Variants in NDUFA10 observed in about 807,000 individuals in gnomAD.
NDUFA10 encodes NADH:ubiquinone oxidoreductase subunit A10.
A neutral mutation model predicts 47.8 loss-of-function variants in NDUFA10; 40 were observed. That is an observed-to-expected ratio of 0.84 (90% CI 0.65 to 1.09). The LOEUF (loss-of-function observed/expected upper bound fraction) is 1.09, where lower values mean the gene tolerates loss of function less well. Ranked by LOEUF, NDUFA10 falls within the 50% of genes least tolerant of loss-of-function variation. The pLI is 0.00. For synonymous variants in NDUFA10, 183 were observed against 172.2 expected, an observed-to-expected ratio of 1.06 and a Z score of -0.49; for missense variants, 413 against 451.1, an observed-to-expected ratio of 0.92 and a Z score of 0.76.
At chr2:240,013,641 G>A (rs556326084) in intron 5 of NDUFA10, 3 of 152,300 alleles carry the variant, frequency 2.0e-5, no homozygotes, top group Admixed American at 6.5e-5. Context: ...TAGACATCTC[G>A]CTGTTTCTAC....
At chr2:240,015,751 G>A (rs1697321589) in intron 4 of NDUFA10, among the ~76,000 whole-genome samples, 1 of 152,268 alleles carries the variant, frequency 6.6e-6, no homozygotes, top group Non-Finnish European at 1.5e-5. Flanking sequence ...GCCAGTGCAT[G>A]TGGAGAGGCC....
At chr2:239,913,953 T>C (rs11895220) in intron 4 of NDUFA10, among the ~76,000 whole-genome samples, 28,630 of 152,178 alleles carry the variant, frequency 0.19, 3,166 homozygotes, top group African/African-American at 0.3. Context: ...GGTCAGTCTG[T>C]TCAGCAGCTC....
At chr2:240,021,674 C>G (rs546142546) in intron 2 of NDUFA10, among the ~76,000 whole-genome samples, 1 of 152,362 alleles carries the variant, frequency 6.6e-6, no homozygotes, top group African/African-American at 2.4e-5. Flanking sequence ...CCTGTAACCA[C>G]AGGAGCCCCC....
At chr2:239,973,534 T>C in intron 9 of NDUFA10, 1 of 471,184 alleles carries the variant, frequency 2.1e-6, no homozygotes, top group Non-Finnish European at 4.4e-6. Flanking sequence ...TCTGTTGTCC[T>C]AGCAACTATC....
At chr2:239,940,770 C>G (rs979288881) in intron 4 of NDUFA10, among the ~76,000 whole-genome samples, 1 of 152,158 alleles carries the variant, frequency 6.6e-6, no homozygotes, top group Non-Finnish European at 1.5e-5. Context: ...GAAGGCAAAC[C>G]GGGCTCTCTC....
chr2:239,899,158 A>T (rs189166763), intron 4 of NDUFA10, among the ~76,000 whole-genome samples: 5 of 2,304 alleles, frequency 2.2e-3, no homozygotes, highest in East Asian at 0.028. Context: ...GATGGAGGGG[A>T]GTCATGGAGG....
At position 240,008,254 on chromosome 2, in the gene NDUFA10, A is replaced by G. The variant is rs80329146; in HGVS notation, c.750-884T>C. Among the ~76,000 whole-genome samples, 916 of 152,340 alleles carry G rather than the reference A, an allele frequency of 6.0e-3. 5 individuals carry two copies. The highest frequency in any genetic ancestry group is 0.021 in the African/African-American group (873 of 41,578). ...TCACAATTCAGAGTCATACAACTGG[A>G]TAACAGATTCTTACTGCAACGAGAT... On this transcript the variant is annotated intron_variant, in intron 6 of 9. Coordinates refer to ENST00000252711, the MANE Select transcript of NDUFA10 (RefSeq NM_004544.4).
intron 4 of NDUFA10, among the ~76,000 whole-genome samples, chr2:239,932,147 C>A (rs569864423): frequency 1.3e-5 from 2 of 152,214 alleles, no homozygotes; most frequent in African/African-American, 4.8e-5. Context: ...ACCTCTGCTC[C>A]TTTAATCACA....
intron 4 of NDUFA10, among the ~76,000 whole-genome samples, chr2:240,018,096 C>G (rs1697438980): frequency 6.6e-6 from 1 of 152,204 alleles, no homozygotes; most frequent in Non-Finnish European, 1.5e-5. Flanking sequence ...CACAAAGCTA[C>G]TGTCCTGAAA....
intron 9 of NDUFA10, among the ~76,000 whole-genome samples, chr2:239,985,170 C>G (rs954437054): frequency 1.3e-5 from 2 of 152,136 alleles, no homozygotes; most frequent in Non-Finnish European, 2.9e-5. Flanking sequence ...ATTAAACAAC[C>G]CCAAACCAAA....
chr2:239,958,867 TG>T lies in NDUFA10; in HGVS notation c.*2250del. 1.1e-6 allele frequency: 1 copy of T among 871,502 alleles called. No individual in the cohort carries two copies. The highest frequency in any genetic ancestry group is 1.4e-6 in the Non-Finnish European group (1 of 726,120). The allele number at this position is 871,502 out of a possible 1,614,324, so 54.0% of individuals were successfully genotyped here. On this transcript the variant is annotated 3_prime_UTR_variant, in exon 10 of 10. Transcript: ENST00000252711. ...CTGCTGCAACAGCATGATTATTTCC[TG>T]ATCTCCAAAGCACTGAGAAGTCCAA...
At chr2:239,892,947 C>A (rs1002588156) in intron 5 of NDUFA10, among the ~76,000 whole-genome samples, 1 of 152,220 alleles carries the variant, frequency 6.6e-6, no homozygotes, top group Non-Finnish European at 1.5e-5. Context: ...AACGGTGAGG[C>A]TGTTAGCCCC....
chr2:240,019,368 A>G (rs2106497179), intron 3 of NDUFA10, among the ~76,000 whole-genome samples: 1 of 152,380 alleles, frequency 6.6e-6, no homozygotes, highest in South Asian at 2.1e-4. Context: ...ATTTGCCCCA[A>G]GAATACTGAG....
At chr2:239,911,952 T>A (rs57409058) in intron 4 of NDUFA10, among the ~76,000 whole-genome samples, 1 of 151,522 alleles carries the variant, frequency 6.6e-6, no homozygotes, top group Admixed American at 6.6e-5. Flanking sequence ...CCCTGGGGGG[T>A]TTCCTGGGAT....
At chr2:239,946,487 G>A (rs1218348759) in intron 4 of NDUFA10, among the ~76,000 whole-genome samples, 4 of 152,206 alleles carry the variant, frequency 2.6e-5, no homozygotes, top group African/African-American at 4.8e-5. Context: ...ACTGCGCTCA[G>A]AGCCACGGAG....
intron 3 of NDUFA10, among the ~76,000 whole-genome samples, chr2:240,020,400 C>T (rs575586689): frequency 1.3e-5 from 2 of 152,296 alleles, no homozygotes; most frequent in East Asian, 1.9e-4. Context: ...AACTGAGGAC[C>T]GCCGTGGCAT....
At position 240,022,250 on chromosome 2, in the gene NDUFA10, G is replaced by A. The variant is rs755759707; in HGVS notation, c.166C>T (p.Arg56Cys). The A allele has an allele frequency of 3.7e-5, 59 of 1,613,762 alleles. No homozygotes were observed. Among genetic ancestry groups the A allele is most frequent in the South Asian group, 7.7e-5 (7 of 91,076 alleles). ...CCATCTACAGTTATCACTCTGCTGC[G>A]TTCTGTCAGTCTTTTGCTTGCTTTA... ...GDKASKRLTERSRVITVDGNI... is the reference protein window; with the variant it reads ...GDKASKRLTECSRVITVDGNI... The change falls in exon 2 of 10, where the codon CGC becomes TGC. Residue 56 changes from arginine to cysteine, a missense_variant. By Grantham distance (180) the Arg-to-Cys change is radical (BLOSUM62 -3). Coordinates refer to ENST00000252711, the MANE Select transcript of NDUFA10 (RefSeq NM_004544.4).
At chr2:239,914,997 GACAC>G (rs1244909842) in intron 4 of NDUFA10, among the ~76,000 whole-genome samples, 1 of 134,348 alleles carries the variant, frequency 7.4e-6, no homozygotes, top group Non-Finnish European at 1.6e-5. Flanking sequence ...CAAATATATA[GACAC>G]ACACAGAGAG....
At chr2:239,951,579 C>T (rs1224790197) in intron 4 of NDUFA10, among the ~76,000 whole-genome samples, 1 of 152,146 alleles carries the variant, frequency 6.6e-6, no homozygotes, top group Non-Finnish European at 1.5e-5. Context: ...CAGGATGTGC[C>T]GGACACTGAG....
Sources: allele counts gnomAD v4.1 joint callset (sites outside exome capture counted in the v4.1 genomes callset), GRCh38; gene constraint gnomAD v4.1.1; transcripts MANE v1.5; gene names NCBI Gene and HGNC (gene_info 2026-07-23, HGNC 2026-07-21).